KLF12: variants seen among roughly 807,000 people sequenced by gnomAD.
The protein encoded by KLF12 is KLF transcription factor 12.
Under a neutral mutation model 37.8 loss-of-function variants are expected in KLF12, and 9 were observed. That is an observed-to-expected ratio of 0.24 (90% CI 0.14 to 0.42). The LOEUF is 0.42. KLF12 is among the 10% of genes least tolerant of loss of function. KLF12 has a pLI of 1.00. For missense variants in KLF12, 411 were observed against 516.0 expected (o/e 0.80, Z 1.97); for synonymous variants, 208 against 202.1 (o/e 1.03, Z -0.25).
chr13:73,887,173 C>T (rs1180165904), intron 3 of KLF12, among the ~76,000 whole-genome samples: 2 of 151,960 alleles, frequency 1.3e-5, no homozygotes, highest in Admixed American at 6.6e-5. Context: ...AATATAACTG[C>T]CTAATTTTAA....
chr13:73,861,352 C>A (rs892754220), intron 3 of KLF12, among the ~76,000 whole-genome samples: 4 of 152,212 alleles, frequency 2.6e-5, no homozygotes, highest in Admixed American at 1.3e-4. Context: ...CTGCTTCCTG[C>A]GCAGTGAACT....
At chr13:74,090,611 CA>C (rs1404472277) in intron 1 of KLF12, among the ~76,000 whole-genome samples, 1 of 151,984 alleles carries the variant, frequency 6.6e-6, no homozygotes, top group African/African-American at 2.4e-5. Context: ...TGATGATGAA[CA>C]ATTTTCCATG....
chr13:73,881,221 T>C (rs1048186150), intron 3 of KLF12, among the ~76,000 whole-genome samples: 3 of 152,174 alleles, frequency 2.0e-5, no homozygotes, highest in African/African-American at 7.2e-5. Context: ...CTTTTATTTC[T>C]GTATTTTTGC....
chr13:73,734,160 A>G (rs983779185), intron 6 of KLF12, among the ~76,000 whole-genome samples: 1 of 152,108 alleles, frequency 6.6e-6, no homozygotes, highest in African/African-American at 2.4e-5. Context: ...TCTCTGACCA[A>G]ATGTCACTTC....
chr13:74,217,445 C>T, the KLF12 span, among the ~76,000 whole-genome samples: 2 of 152,026 alleles, frequency 1.3e-5, no homozygotes, highest in East Asian at 1.9e-4. Context: ...AGGCCCACTA[C>T]AGGCTGGGCG....
At chr13:73,843,500 G>A (rs1056123724) in intron 4 of KLF12, among the ~76,000 whole-genome samples, 5 of 151,782 alleles carry the variant, frequency 3.3e-5, no homozygotes, top group Non-Finnish European at 7.4e-5. Flanking sequence ...GTAGAGATCG[G>A]GTTTCAAAAT....
intron 3 of KLF12, among the ~76,000 whole-genome samples, chr13:73,850,813 T>C (rs17061580): frequency 0.21 from 31,586 of 152,210 alleles, 4,099 homozygotes; most frequent in East Asian, 0.43. Context: ...CTTTTACAAA[T>C]GTGTTGAGAA....
At chr13:73,764,903 G>A in intron 6 of KLF12, 35 bp downstream of exon 6, 1 of 1,220,372 alleles carries the variant, frequency 8.2e-7, no homozygotes, top group South Asian at 1.3e-5. Context: ...TTTCCCGTAA[G>A]ACCTACAAAT....
At position 73,718,558 on chromosome 13, in the gene KLF12, C is replaced by T. The variant is rs192497263; in HGVS notation, c.870-3033G>A. 2.0e-5 allele frequency among the ~76,000 whole-genome samples: 3 copies of T among 152,230 alleles called. No individual in the cohort carries two copies. The East Asian group carries it at 5.8e-4, about 29-fold the overall frequency. The stretch of plus-strand genomic sequence containing the variant: ...GATCGCTTAGCTCAGAAGCTCAAGA[C>T]CAGCCTGGGCCAACATGGTGAAACT... On this transcript the variant is annotated intron_variant, in intron 6 of 7. Transcript: ENST00000377669.
At chr13:74,287,290 C>T in the KLF12 span, among the ~76,000 whole-genome samples, 2 of 148,720 alleles carry the variant, frequency 1.3e-5, no homozygotes, top group African/African-American at 2.5e-5. Flanking sequence ...AGTGCTCTCT[C>T]GGGGAAATGA....
chr13:74,086,760 T>C (rs185044373), intron 1 of KLF12, among the ~76,000 whole-genome samples: 1 of 152,182 alleles, frequency 6.6e-6, no homozygotes, highest in Non-Finnish European at 1.5e-5. Context: ...AATAGCATGC[T>C]GTTGGCCAGA....
At chr13:74,037,295 G>C (rs1893275923) in intron 1 of KLF12, among the ~76,000 whole-genome samples, 1 of 150,498 alleles carries the variant, frequency 6.6e-6, no homozygotes, top group Admixed American at 6.6e-5. Flanking sequence ...TTCCCTTCTA[G>C]ATCAGAAGTT....
intron 6 of KLF12, among the ~76,000 whole-genome samples, chr13:73,734,569 G>T (rs1460109820): frequency 6.6e-6 from 1 of 151,286 alleles, no homozygotes; most frequent in Non-Finnish European, 1.5e-5. Flanking sequence ...GATGGCAAAA[G>T]ATTCTTTGAT....
At chr13:73,868,043 A>G in intron 3 of KLF12, among the ~76,000 whole-genome samples, 1 of 149,202 alleles carries the variant, frequency 6.7e-6, no homozygotes. Context: ...AAAAGAAAAA[A>G]AAAATGCTGG....
At chr13:74,192,552 T>G in the KLF12 span, among the ~76,000 whole-genome samples, 2 of 152,270 alleles carry the variant, frequency 1.3e-5, no homozygotes, top group Non-Finnish European at 2.9e-5. Flanking sequence ...GTGTGAGATG[T>G]GATTACAAGG....
chr13:74,112,070 T>C (rs1317144380), intron 1 of KLF12, among the ~76,000 whole-genome samples: 1 of 152,148 alleles, frequency 6.6e-6, no homozygotes, highest in Non-Finnish European at 1.5e-5. Flanking sequence ...CTTATTACCA[T>C]AGAACAGGGG....
chr13:73,696,102 C>A (rs1004744846), intron 7 of KLF12, among the ~76,000 whole-genome samples: 1 of 149,106 alleles, frequency 6.7e-6, no homozygotes, highest in Non-Finnish European at 1.5e-5. Flanking sequence ...CTGTGCATCA[C>A]TTAGATGGCT....
the KLF12 span, among the ~76,000 whole-genome samples, chr13:74,225,620 G>T: frequency 6.6e-6 from 1 of 152,090 alleles, no homozygotes; most frequent in Non-Finnish European, 1.5e-5. Flanking sequence ...AGATAAAAAG[G>T]TCAGTGAGAT....
chr13:73,917,740 A>C (rs952805518), intron 3 of KLF12, among the ~76,000 whole-genome samples: 9 of 152,242 alleles, frequency 5.9e-5, no homozygotes, highest in Non-Finnish European at 1.2e-4. Flanking sequence ...TTCCTGCTAC[A>C]AGTATCCTGC....
Sources: gnomAD v4.1 joint callset for allele counts (sites outside exome capture counted in the v4.1 genomes callset) on GRCh38, gnomAD v4.1.1 for gene constraint, MANE v1.5 for transcripts, NCBI Gene and HGNC (gene_info 2026-07-23, HGNC 2026-07-21) for gene names.